The following ARIH1 variants were observed in gnomAD, a reference collection of about 807,000 sequenced individuals.
ARIH1 encodes the protein ariadne RBR E3 ubiquitin protein ligase 1.
In ARIH1, 8 loss-of-function variants were observed where a neutral mutation model predicts 85.0. The ratio of observed to expected loss-of-function variants is 0.09; its 90% confidence interval spans 0.06 to 0.17. The LOEUF is 0.17. ARIH1 is among the 10% of genes least tolerant of loss of function. The pLI, the probability that ARIH1 is intolerant of heterozygous loss-of-function variation, is 1.00. For synonymous variants in ARIH1, 238 were observed against 253.6 expected, an observed-to-expected ratio of 0.94 and a Z score of 0.59; for missense variants, 311 against 718.1, an observed-to-expected ratio of 0.43 and a Z score of 6.48.
chr15:72,475,326 C>T (rs1255224260), intron 1 of ARIH1, among the ~76,000 whole-genome samples: 1 of 152,174 alleles, frequency 6.6e-6, no homozygotes, highest in Non-Finnish European at 1.5e-5. Flanking sequence ...TTTCTCTGGC[C>T]GGGCGATCGC....
In ARIH1 at chr15:72,586,947, T is replaced by C. The variant is rs974803791; in HGVS notation, c.*3655T>C. 9.1e-6 allele frequency: 3 copies of C among 330,564 alleles called. No individual in the cohort carries two copies. Among genetic ancestry groups the C allele is most frequent in the South Asian group, 5.1e-5 (2 of 39,314 alleles). 20.5% of individuals were successfully genotyped at this position (330,564 alleles called of 1,614,324 possible). Reference sequence around the variant, plus strand: ...CTCACTCTTAAAGCTGATACTGTTATATAGGGATGAAGGGAGAGTTTTCTT... The same window carrying C: ...CTCACTCTTAAAGCTGATACTGTTACATAGGGATGAAGGGAGAGTTTTCTT... On this transcript the variant is annotated 3_prime_UTR_variant, in exon 14 of 14. Transcript: ENST00000379887.
rs1275293938 is a variant in ARIH1 at position 72,592,791 on chromosome 15, T to C, written c.*9499T>C. On this transcript the variant is annotated 3_prime_UTR_variant, in exon 14 of 14. Transcript: ENST00000379887. ...ATTTCATTCTATAAATATACCACAA[T>C]TTGTTTATTCATTCTCCTATTGAAG... 1 of 152,244 alleles carries C rather than the reference T, an allele frequency of 6.6e-6. No individual in the cohort carries two copies. Among genetic ancestry groups the C allele is most frequent in the Non-Finnish European group, 1.5e-5 (1 of 68,046 alleles). The allele number at this position is 152,244 out of a possible 1,614,324, so 9.4% of individuals were successfully genotyped here.
intron 1 of ARIH1, among the ~76,000 whole-genome samples, chr15:72,494,053 C>G: frequency 6.6e-6 from 1 of 152,110 alleles, no homozygotes; most frequent in East Asian, 1.9e-4. Context: ...CTTCCCTAAC[C>G]TGATTTTTAT....
chr15:72,499,932 C>G (rs1413189844), intron 1 of ARIH1, among the ~76,000 whole-genome samples: 1 of 152,204 alleles, frequency 6.6e-6, no homozygotes, highest in East Asian at 1.9e-4. Context: ...CTGCAACACT[C>G]TTAGGCTGTT....
Position 72,595,822 on chromosome 15 carries a change from T to C in ARIH1, c.*12530T>C, listed in dbSNP as rs1194046673. On this transcript the variant is annotated 3_prime_UTR_variant, in exon 14 of 14. Coordinates refer to ENST00000379887, the MANE Select transcript of ARIH1 (RefSeq NM_005744.5). ...TTGTTTTTTCTGTTTTTTTTTTTTT[T>C]TTTTCATCTTTGTTTTTGTTTTTTT... 4 of 142,482 alleles carry C rather than the reference T, an allele frequency of 2.8e-5. No individual in the cohort carries two copies. Among genetic ancestry groups the C allele is most frequent in the Non-Finnish European group, 5.9e-5 (4 of 67,274 alleles). 8.8% of individuals were successfully genotyped at this position (142,482 alleles called of 1,614,324 possible).
chr15:72,475,079 C>T (rs1270459156), intron 1 of ARIH1, 65 bp downstream of exon 1: 1 of 1,538,332 alleles, frequency 6.5e-7, no homozygotes, highest in Non-Finnish European at 8.8e-7. Flanking sequence ...GCGGCACGCG[C>T]GGTCCCGAGG....
rs551403969 is a variant in ARIH1, at chr15:72,494,173, A to G, written c.375+19159A>G. ...ATTGGGAACCATTTGTAAATTGAGT[A>G]CTTGATTTATTTTTATCAGCTGAGA... is the stretch of plus-strand genomic sequence containing the variant. On this transcript the variant is annotated intron_variant, in intron 1 of 13. Coordinates refer to ENST00000379887, the MANE Select transcript of ARIH1 (RefSeq NM_005744.5). Among the ~76,000 whole-genome samples, 5 of 152,334 alleles carry G rather than the reference A, an allele frequency of 3.3e-5. No individual in the cohort carries two copies. The South Asian group carries it at 1.0e-3, about 32-fold the overall frequency.
chr15:72,484,972 G>C (rs965083243), intron 1 of ARIH1, among the ~76,000 whole-genome samples: 4 of 152,058 alleles, frequency 2.6e-5, no homozygotes, highest in African/African-American at 9.7e-5. Flanking sequence ...TCAAATAGTA[G>C]TTCTACTTTT....
chr15:72,555,758 A>G, intron 4 of ARIH1, 94 bp from the exon 5 acceptor site: 1 of 971,424 alleles, frequency 1.0e-6, no homozygotes, highest in Non-Finnish European at 1.6e-6. Context: ...GTAAACATTA[A>G]GGTATTCCCA....
At chr15:72,475,127 C>T (rs1595845461) in intron 1 of ARIH1, 113 bp downstream of exon 1, 4 of 1,448,546 alleles carry the variant, frequency 2.8e-6, no homozygotes, top group Non-Finnish European at 2.7e-6. Context: ...AGCCCGGTGC[C>T]TCCCGGCCTT....
chr15:72,529,364 C>A (rs903178533), intron 2 of ARIH1, among the ~76,000 whole-genome samples: 1 of 152,220 alleles, frequency 6.6e-6, no homozygotes, highest in Non-Finnish European at 1.5e-5. Context: ...TCGCCTCAGC[C>A]TCCCTAGTGG....
intron 3 of ARIH1, among the ~76,000 whole-genome samples, chr15:72,546,315 A>C (rs1255567437): frequency 2.6e-5 from 4 of 152,206 alleles, no homozygotes; most frequent in African/African-American, 9.7e-5. Flanking sequence ...TGTACAAGTG[A>C]TGAGAAAAGT....
At chr15:72,518,230 A>G (rs1212124391) in intron 2 of ARIH1, 96 bp downstream of exon 2, 3 of 1,018,382 alleles carry the variant, frequency 2.9e-6, no homozygotes, top group Admixed American at 2.4e-5. Flanking sequence ...TGATGAATAT[A>G]CCAGTATGTG....
At chr15:72,507,016 G>T (rs200943125) in intron 1 of ARIH1, among the ~76,000 whole-genome samples, 1 of 48,396 alleles carries the variant, frequency 2.1e-5, no homozygotes, top group African/African-American at 4.7e-5. Context: ...ATGTATGTAT[G>T]TATGTATTTA....
chr15:72,600,485 G>A lies in ARIH1; in HGVS notation c.*17193G>A, dbSNP rs1384414453. 1 of 152,160 alleles carries A rather than the reference G, an allele frequency of 6.6e-6. No homozygotes were observed. Among genetic ancestry groups the A allele is most frequent in the African/African-American group, 2.4e-5 (1 of 41,446 alleles). The allele number at this position is 152,160 out of a possible 1,614,324, so 9.4% of individuals were successfully genotyped here. A position where few individuals can be genotyped will look rare whatever the true frequency, so the allele number is the denominator to read the frequency against. On this transcript the variant is annotated 3_prime_UTR_variant, in exon 14 of 14. Coordinates refer to ENST00000379887, the MANE Select transcript of ARIH1 (RefSeq NM_005744.5). ...TGCAACCTTGAGCTCCTGGGCTCAG[G>A]AGAGCCTCTCTCCTCAGTCTCCCAA...
chr15:72,477,695 A>G (rs1686292325), intron 1 of ARIH1, among the ~76,000 whole-genome samples: 1 of 152,210 alleles, frequency 6.6e-6, no homozygotes, highest in African/African-American at 2.4e-5. Context: ...TAACATTTAA[A>G]TAAAAGACCA....
In ARIH1 at chr15:72,593,607, T is replaced by G. The variant is rs1419768640; in HGVS notation, c.*10315T>G. 1 of 152,212 alleles carries G rather than the reference T, an allele frequency of 6.6e-6. No individual in the cohort carries two copies. The highest frequency in any genetic ancestry group is 1.5e-5 in the Non-Finnish European group (1 of 68,040). 9.4% of individuals were successfully genotyped at this position (152,212 alleles called of 1,614,324 possible). On this transcript the variant is annotated 3_prime_UTR_variant, in exon 14 of 14. Coordinates refer to ENST00000379887, the MANE Select transcript of ARIH1 (RefSeq NM_005744.5). ...TTACCCATTAGATTGACTTGGTAGC[T>G]TGGTTAAAAATTGATCACGTGTGTG... is the stretch of plus-strand genomic sequence containing the variant.
chr15:72,475,080 G>T (rs12903192), intron 1 of ARIH1, 66 bp downstream of exon 1: 4 of 1,537,564 alleles, frequency 2.6e-6, no homozygotes, highest in South Asian at 1.2e-5. Context: ...CGGCACGCGC[G>T]GTCCCGAGGG....
chr15:72,578,309 A>C (rs1457163589), intron 11 of ARIH1, among the ~76,000 whole-genome samples: 1 of 152,214 alleles, frequency 6.6e-6, no homozygotes, highest in Non-Finnish European at 1.5e-5. Flanking sequence ...TTTCTATAAC[A>C]ACGATGACAT....
Sources: allele counts gnomAD v4.1 joint callset (sites outside exome capture counted in the v4.1 genomes callset), GRCh38; gene constraint gnomAD v4.1.1; transcripts MANE v1.5; gene names NCBI Gene and HGNC (gene_info 2026-07-23, HGNC 2026-07-21).